The following PDE4D variants were observed in gnomAD, a reference collection of about 807,000 sequenced individuals.
The protein encoded by PDE4D is phosphodiesterase 4D.
A neutral mutation model predicts 87.4 loss-of-function variants in PDE4D; 24 were observed. The ratio of observed to expected loss-of-function variants is 0.27; its 90% confidence interval spans 0.20 to 0.39. The LOEUF (loss-of-function observed/expected upper bound fraction) is 0.39. PDE4D is among the 10% of genes least tolerant of loss of function. The probability of loss-of-function intolerance (pLI) is 1.00; values close to 1 mark genes in which losing one functional copy is unlikely to be tolerated. For synonymous variants in PDE4D, 384 were observed against 383.2 expected (o/e 1.00, Z -0.02); for missense variants, 714 against 1,041.0 (o/e 0.69, Z 4.32).
chr5:59,423,467 T>C (rs1490353188), intron 1 of PDE4D, among the ~76,000 whole-genome samples: 1 of 152,196 alleles, frequency 6.6e-6, no homozygotes, highest in Non-Finnish European at 1.5e-5. Context: ...AAATTTTTTC[T>C]GAAACAACTC....
At chr5:59,996,034 G>A (rs1205695496) in intron 2 of PDE4D, among the ~76,000 whole-genome samples, 1 of 152,156 alleles carries the variant, frequency 6.6e-6, no homozygotes, top group Non-Finnish European at 1.5e-5. Flanking sequence ...ACATAATAGG[G>A]AATTTCTATA....
At chr5:60,216,733 A>C (rs1743892430) in intron 1 of PDE4D, among the ~76,000 whole-genome samples, 1 of 152,166 alleles carries the variant, frequency 6.6e-6, no homozygotes, top group Admixed American at 6.6e-5. Flanking sequence ...GTTTCAGTAC[A>C]TCAAGAAATA....
At chr5:60,293,849 A>C (rs1158865192) in intron 1 of PDE4D, among the ~76,000 whole-genome samples, 1 of 152,124 alleles carries the variant, frequency 6.6e-6, no homozygotes, top group Non-Finnish European at 1.5e-5. Flanking sequence ...CTTTTGATTA[A>C]TATGTGGGTT....
intron 1 of PDE4D, among the ~76,000 whole-genome samples, chr5:59,342,967 TTC>T (rs1208825184): frequency 1.0e-5 from 1 of 96,546 alleles, no homozygotes; most frequent in African/African-American, 5.0e-5. Flanking sequence ...CTTAGAAATT[TTC>T]TTTTTTTTTT....
At chr5:59,944,561 C>T (rs1757536182) in intron 3 of PDE4D, among the ~76,000 whole-genome samples, 1 of 152,098 alleles carries the variant, frequency 6.6e-6, no homozygotes. Context: ...TTAGTAGAGA[C>T]AGGGTTTCAC....
At chr5:59,306,808 C>A (rs1771478648) in intron 1 of PDE4D, among the ~76,000 whole-genome samples, 1 of 134,054 alleles carries the variant, frequency 7.5e-6, no homozygotes, top group Admixed American at 7.9e-5. Context: ...AGATTCAATG[C>A]CATCCCCATC....
intron 1 of PDE4D, among the ~76,000 whole-genome samples, chr5:59,646,832 G>A (rs540710232): frequency 6.6e-6 from 1 of 152,052 alleles, no homozygotes; most frequent in African/African-American, 2.4e-5. Context: ...TCAGGAGATC[G>A]AGACCATCCT....
chr5:60,070,713 C>T (rs1305780605), intron 2 of PDE4D, among the ~76,000 whole-genome samples: 1 of 151,884 alleles, frequency 6.6e-6, no homozygotes, highest in Admixed American at 6.6e-5. Context: ...GACATGTTCC[C>T]TCTCCCCTTC....
At chr5:60,424,226 C>A (rs372525004) in intron 1 of PDE4D, among the ~76,000 whole-genome samples, 3 of 151,962 alleles carry the variant, frequency 2.0e-5, no homozygotes, top group African/African-American at 7.2e-5. Context: ...AGAGACACAA[C>A]AAAAAAAGAG....
At chr5:60,005,947 A>C (rs1463614655) in intron 2 of PDE4D, among the ~76,000 whole-genome samples, 1 of 152,020 alleles carries the variant, frequency 6.6e-6, no homozygotes, top group Non-Finnish European at 1.5e-5. Context: ...CATACCAAAA[A>C]TTAAAATTAT....
chr5:59,800,619 C>A (rs1767010355), intron 1 of PDE4D, among the ~76,000 whole-genome samples: 1 of 152,046 alleles, frequency 6.6e-6, no homozygotes, highest in Non-Finnish European at 1.5e-5. Flanking sequence ...CTCCCCACCC[C>A]TACCCCCCTA....
chr5:59,103,040 A>G (rs922057629), intron 5 of PDE4D, among the ~76,000 whole-genome samples: 3 of 152,174 alleles, frequency 2.0e-5, no homozygotes, highest in African/African-American at 7.2e-5. Context: ...TTTGTTTCTC[A>G]AGGGGCTGAA....
chr5:59,475,105 T>C (rs1242533951), intron 1 of PDE4D, among the ~76,000 whole-genome samples: 1 of 152,054 alleles, frequency 6.6e-6, no homozygotes, highest in African/African-American at 2.4e-5. Context: ...GTGGTCTCCT[T>C]CCTAGATAAC....
chr5:59,311,356 C>G (rs1425493090), intron 1 of PDE4D, among the ~76,000 whole-genome samples: 1 of 151,822 alleles, frequency 6.6e-6, no homozygotes, highest in Non-Finnish European at 1.5e-5. Flanking sequence ...CAAAAATTAG[C>G]TGGGCTTGGT....
intron 1 of PDE4D, among the ~76,000 whole-genome samples, chr5:59,448,786 C>T (rs1798717970): frequency 6.6e-6 from 1 of 152,102 alleles, no homozygotes; most frequent in Non-Finnish European, 1.5e-5. Context: ...GTGTATGCCA[C>T]CATGCCCAGC....
chr5:59,520,901 A>T (rs1228606570), intron 1 of PDE4D, among the ~76,000 whole-genome samples: 4 of 145,560 alleles, frequency 2.7e-5, no homozygotes, highest in Non-Finnish European at 5.9e-5. Flanking sequence ...ATATATACAC[A>T]TATATACACG....
chr5:59,744,591 C>T (rs1433080165), intron 1 of PDE4D, among the ~76,000 whole-genome samples: 1 of 152,114 alleles, frequency 6.6e-6, no homozygotes, highest in African/African-American at 2.4e-5. Context: ...TGAGAGGAAG[C>T]TATCTAGAGC....
At chr5:59,134,321 A>G (rs1776720225) in intron 5 of PDE4D, among the ~76,000 whole-genome samples, 2 of 151,588 alleles carry the variant, frequency 1.3e-5, no homozygotes. Flanking sequence ...AGACCACATT[A>G]CCACCTTATT....
At chr5:60,001,609 G>C (rs940915145) in intron 2 of PDE4D, among the ~76,000 whole-genome samples, 1 of 152,120 alleles carries the variant, frequency 6.6e-6, no homozygotes, top group Non-Finnish European at 1.5e-5. Context: ...ATACTTGCAT[G>C]TGGTAATGGT....
Sources: gnomAD v4.1 joint callset for allele counts (sites outside exome capture counted in the v4.1 genomes callset) on GRCh38, gnomAD v4.1.1 for gene constraint, MANE v1.5 for transcripts, NCBI Gene and HGNC (gene_info 2026-07-23, HGNC 2026-07-21) for gene names.